Variants in EPB41L2 observed in about 807,000 individuals in gnomAD.
EPB41L2 encodes band 4.1-like protein 2.
EPB41L2 carries 43 observed loss-of-function variants against 113.0 expected under a neutral mutation model. The observed-to-expected ratio is 0.38, with a 90% CI of 0.30 to 0.49. The LOEUF (loss-of-function observed/expected upper bound fraction) is 0.49, where lower values mean the gene tolerates loss of function less well. Ranked by LOEUF, EPB41L2 falls within the 20% of genes least tolerant of loss-of-function variation. EPB41L2 has a pLI of 0.95. For missense variants in EPB41L2, 1,147 were observed against 1,223.4 expected (o/e 0.94, Z 0.93); for synonymous variants, 442 against 436.7 (o/e 1.01, Z -0.15).
intron 1 of EPB41L2, among the ~76,000 whole-genome samples, chr6:131,016,691 T>A (rs1056346115): frequency 6.6e-6 from 1 of 152,050 alleles, no homozygotes; most frequent in Admixed American, 6.6e-5. Flanking sequence ...GTGCCTGTAA[T>A]CCCAGCTACT....
intron 1 of EPB41L2, among the ~76,000 whole-genome samples, chr6:131,003,940 T>C (rs1170821025): frequency 6.6e-6 from 1 of 152,164 alleles, no homozygotes; most frequent in African/African-American, 2.4e-5. Context: ...CTGTTGAACA[T>C]AAAACACACT....
intron 1 of EPB41L2, among the ~76,000 whole-genome samples, chr6:131,051,571 TAGCAG>T (rs1168483834): frequency 2.0e-5 from 3 of 151,926 alleles, no homozygotes; most frequent in Admixed American, 6.6e-5. Flanking sequence ...GTAACTGACT[TAGCAG>T]AGCAGAGGAA....
chr6:131,023,152 A>G (rs1158838070), intron 1 of EPB41L2, among the ~76,000 whole-genome samples: 5 of 152,310 alleles, frequency 3.3e-5, no homozygotes, highest in African/African-American at 1.2e-4. Flanking sequence ...AATGCAAAGT[A>G]TTCCTTCCAT....
intron 3 of EPB41L2, among the ~76,000 whole-genome samples, chr6:130,937,262 A>G (rs1770862655): frequency 1.3e-5 from 2 of 152,212 alleles, no homozygotes; most frequent in South Asian, 4.1e-4. Context: ...GAGTAACTTC[A>G]TTGCCCTAAA....
intron 3 of EPB41L2, among the ~76,000 whole-genome samples, chr6:130,940,731 A>G (rs963418271): frequency 4.6e-5 from 7 of 152,078 alleles, no homozygotes; most frequent in Non-Finnish European, 5.9e-5. Context: ...GGCCTCCCAA[A>G]GTCCTGGGAT....
chr6:130,858,483 T>G (rs17059702), intron 18 of EPB41L2, among the ~76,000 whole-genome samples: 7,137 of 152,358 alleles, frequency 0.047, 233 homozygotes, highest in East Asian at 0.12. Flanking sequence ...AGAGGAAACA[T>G]GTTGGCTTTG....
At chr6:130,844,957 G>A (rs370946577) in intron 19 of EPB41L2, among the ~76,000 whole-genome samples, 25 of 152,216 alleles carry the variant, frequency 1.6e-4, no homozygotes, top group African/African-American at 5.8e-4. Context: ...CAGGAGAATC[G>A]CTTGAACCCA....
rs752025125 is a variant in EPB41L2, at chr6:130,926,724, ATAACT to A, written c.706-20_706-16del. 11 of 1,548,802 alleles carry A rather than the reference ATAACT, an allele frequency of 7.1e-6. 1 individual carries two copies. Among genetic ancestry groups the A allele is most frequent in the South Asian group, 6.0e-5 (5 of 83,268 alleles). Reference sequence around the variant, plus strand: ...TTGGCATGTTTCTGGAGAAAAAATAATAACTTTACTTTTCAAGTACTAAAGATTCC... The same window carrying A: ...TTGGCATGTTTCTGGAGAAAAAATAATTACTTTTCAAGTACTAAAGATTCC... On this transcript the variant is annotated splice_polypyrimidine_tract_variant and intron_variant, in intron 3 of 19. Transcript: ENST00000337057.
At chr6:130,877,977 G>T in intron 14 of EPB41L2, 127 bp downstream of exon 14, 1 of 930,282 alleles carries the variant, frequency 1.1e-6, no homozygotes. Flanking sequence ...AAAATTGTTA[G>T]TAATTACATA....
intron 4 of EPB41L2, among the ~76,000 whole-genome samples, chr6:130,911,808 C>T (rs1419622860): frequency 6.6e-6 from 1 of 152,106 alleles, no homozygotes; most frequent in African/African-American, 2.4e-5. Flanking sequence ...AGGAGAAGTG[C>T]AATTTTTGAG....
At chr6:130,954,373 T>G (rs1270041179) in intron 3 of EPB41L2, among the ~76,000 whole-genome samples, 1 of 152,128 alleles carries the variant, frequency 6.6e-6, no homozygotes, top group Non-Finnish European at 1.5e-5. Flanking sequence ...GGGCAAGGAA[T>G]TTAACTTCTC....
At chr6:130,927,592 A>C (rs1200295678) in intron 3 of EPB41L2, among the ~76,000 whole-genome samples, 5 of 152,160 alleles carry the variant, frequency 3.3e-5, no homozygotes, top group Non-Finnish European at 7.4e-5. Context: ...TTCCATCCTC[A>C]AAACGAATGC....
chr6:130,905,407 G>A (rs1042243391), intron 5 of EPB41L2, among the ~76,000 whole-genome samples: 1 of 150,176 alleles, frequency 6.7e-6, no homozygotes, highest in Non-Finnish European at 1.5e-5. Context: ...ATGTGTGTGT[G>A]TATATATGTT....
intron 1 of EPB41L2, among the ~76,000 whole-genome samples, chr6:130,982,729 T>C (rs1161232459): frequency 3.3e-5 from 5 of 152,214 alleles, no homozygotes; most frequent in Admixed American, 3.3e-4. Flanking sequence ...AAAAGACCTA[T>C]CTACCTGGTG....
intron 6 of EPB41L2, among the ~76,000 whole-genome samples, chr6:130,904,107 G>A (rs1409023839): frequency 6.6e-6 from 1 of 152,056 alleles, no homozygotes; most frequent in Non-Finnish European, 1.5e-5. Context: ...TGTAATATGA[G>A]ACTAGTATAT....
chr6:130,876,860 G>C, intron 14 of EPB41L2: 1 of 753,060 alleles, frequency 1.3e-6, no homozygotes, highest in Non-Finnish European at 1.9e-6. Context: ...TACTGACCCA[G>C]TGTGGGTCAA....
At chr6:130,999,511 C>T (rs1457459767) in intron 1 of EPB41L2, among the ~76,000 whole-genome samples, 1 of 152,172 alleles carries the variant, frequency 6.6e-6, no homozygotes, top group African/African-American at 2.4e-5. Flanking sequence ...TATTTCGGCA[C>T]ATTTGTAGTA....
At chr6:130,953,869 A>C (rs1816193159) in intron 3 of EPB41L2, among the ~76,000 whole-genome samples, 1 of 151,896 alleles carries the variant, frequency 6.6e-6, no homozygotes, top group Non-Finnish European at 1.5e-5. Context: ...GCCCCTCACC[A>C]GACACCAAAT....
chr6:130,969,192 T>C (rs1472605243), intron 1 of EPB41L2, among the ~76,000 whole-genome samples: 1 of 151,968 alleles, frequency 6.6e-6, no homozygotes, highest in Non-Finnish European at 1.5e-5. Context: ...TGCAAATAAT[T>C]TGAAGAGACA....
Sources: gnomAD v4.1 joint callset for allele counts (sites outside exome capture counted in the v4.1 genomes callset) on GRCh38, gnomAD v4.1.1 for gene constraint, MANE v1.5 for transcripts, NCBI Gene and HGNC (gene_info 2026-07-23, HGNC 2026-07-21) for gene names.